Variants in TUT4 observed in about 807,000 individuals in gnomAD.
The protein encoded by TUT4 is terminal uridylyltransferase 4.
A neutral mutation model predicts 192.2 loss-of-function variants in TUT4; 36 were observed. The observed-to-expected ratio is 0.19, with a 90% CI of 0.14 to 0.25. TUT4 has a LOEUF of 0.25. TUT4 is among the 10% of genes least tolerant of loss of function. The pLI, the probability that TUT4 is intolerant of heterozygous loss-of-function variation, is 1.00. For synonymous variants in TUT4, 618 were observed against 666.0 expected, an observed-to-expected ratio of 0.93 and a Z score of 1.11; for missense variants, 1,493 against 1,957.2, an observed-to-expected ratio of 0.76 and a Z score of 4.47.
chr1:52,505,838 T>C (rs553770687), intron 4 of TUT4, among the ~76,000 whole-genome samples: 1 of 152,064 alleles, frequency 6.6e-6, no homozygotes, highest in East Asian at 1.9e-4. Context: ...GGGTTTTTTT[T>C]GTTTTTGTTG....
intron 1 of TUT4, among the ~76,000 whole-genome samples, chr1:52,536,469 AC>A (rs1684924985): frequency 1.3e-5 from 2 of 152,258 alleles, no homozygotes; most frequent in African/African-American, 2.4e-5. Flanking sequence ...GGCATAAAAA[AC>A]ATATGGAAAA....
At position 52,424,122 on chromosome 1, in the gene TUT4, G is replaced by C. The variant is rs533144471; in HGVS notation, c.4871-120C>G. 1.7e-5 allele frequency: 17 copies of C among 986,392 alleles called. No individual in the cohort carries two copies. In the African/African-American group the frequency reaches 2.6e-4, roughly 15 times the overall value. The allele number at this position is 986,392 out of a possible 1,614,324, so 61.1% of individuals were successfully genotyped here. A position where few individuals can be genotyped will look rare whatever the true frequency, so the allele number is the denominator to read the frequency against. On this transcript the variant is annotated intron_variant, in intron 29 of 29. Transcript: ENST00000257177. ...TATTTATATAATAGGAGGTGATAAAGCATGCTGCAAAACATTTGAGAGGGT... is the reference window on the plus strand; with the variant it reads ...TATTTATATAATAGGAGGTGATAAACCATGCTGCAAAACATTTGAGAGGGT...
At chr1:52,486,511 C>T (rs1394840153) in intron 9 of TUT4, among the ~76,000 whole-genome samples, 1 of 151,794 alleles carries the variant, frequency 6.6e-6, no homozygotes, top group Non-Finnish European at 1.5e-5. Context: ...TGGAAAAATG[C>T]GTGCTTAACT....
At chr1:52,505,951 T>C (rs1277921907) in intron 4 of TUT4, among the ~76,000 whole-genome samples, 5 of 151,962 alleles carry the variant, frequency 3.3e-5, no homozygotes, top group Non-Finnish European at 7.4e-5. Flanking sequence ...CCCAAGTAGC[T>C]GGGATTTCAG....
At chr1:52,481,327 C>T in intron 11 of TUT4, 96 bp downstream of exon 11, 2 of 1,331,792 alleles carry the variant, frequency 1.5e-6, no homozygotes, top group Non-Finnish European at 2.1e-6. Context: ...GAGGCTTGCT[C>T]AAGGTCAGTC....
chr1:52,426,006 G>A (rs1309494999), intron 28 of TUT4, among the ~76,000 whole-genome samples: 6 of 152,120 alleles, frequency 3.9e-5, no homozygotes, highest in South Asian at 4.1e-4. Context: ...GAGAAAAGGC[G>A]GGACAGGTAG....
At chr1:52,531,396 C>G (rs1683374100) in intron 1 of TUT4, among the ~76,000 whole-genome samples, 1 of 151,824 alleles carries the variant, frequency 6.6e-6, no homozygotes, top group South Asian at 2.1e-4. Flanking sequence ...AAGAAGTGAT[C>G]CTGAAAGTGA....
At chr1:52,513,268 G>A (rs1185438280) in intron 3 of TUT4, among the ~76,000 whole-genome samples, 1 of 151,484 alleles carries the variant, frequency 6.6e-6, no homozygotes, top group Non-Finnish European at 1.5e-5. Context: ...AGGCTTGGTG[G>A]CACATGCCTG....
intron 20 of TUT4, among the ~76,000 whole-genome samples, chr1:52,455,630 A>AAAAAGG (rs1557703413): frequency 1.0e-5 from 1 of 96,662 alleles, no homozygotes; most frequent in Admixed American, 1.1e-4. Flanking sequence ...AAAAAAAAAA[A>AAAAAGG]GACGGGGGAG....
In TUT4 at chr1:52,470,357, A is replaced by G. The variant is rs1298211908; in HGVS notation, c.2878+1595T>C. ...CCACATTGAGGTAAATAAATTACTA[A>G]GTAAAAATAAATGTAAATTGTATCT... On this transcript the variant is annotated intron_variant, in intron 14 of 29. Transcript: ENST00000257177. 7.2e-5 allele frequency among the ~76,000 whole-genome samples: 11 copies of G among 152,204 alleles called. No individual in the cohort carries two copies. In the South Asian group the frequency reaches 2.3e-3, roughly 31 times the overall value.
At chr1:52,540,963 T>A (rs992881490) in intron 1 of TUT4, among the ~76,000 whole-genome samples, 1 of 152,158 alleles carries the variant, frequency 6.6e-6, no homozygotes, top group African/African-American at 2.4e-5. Flanking sequence ...CTCAGCACTT[T>A]AGTAGGCCGA....
chr1:52,459,150 G>C (rs1355813820), intron 19 of TUT4, among the ~76,000 whole-genome samples: 2 of 152,108 alleles, frequency 1.3e-5, no homozygotes, highest in Non-Finnish European at 2.9e-5. Flanking sequence ...GCCGGGTGTG[G>C]TGGCGGGCGC....
intron 3 of TUT4, among the ~76,000 whole-genome samples, chr1:52,510,092 A>G (rs1676699389): frequency 6.6e-6 from 1 of 152,096 alleles, no homozygotes; most frequent in South Asian, 2.1e-4. Flanking sequence ...CTGGCAGATC[A>G]CTTGAGCTCA....
intron 1 of TUT4, among the ~76,000 whole-genome samples, chr1:52,530,062 C>A (rs925149866): frequency 6.6e-6 from 1 of 152,046 alleles, no homozygotes; most frequent in African/African-American, 2.4e-5. Context: ...AGGCTGGTTT[C>A]GAAGCCCTGA....
intron 4 of TUT4, 115 bp from the exon 5 acceptor site, chr1:52,497,298 C>T: frequency 9.5e-7 from 1 of 1,056,418 alleles, no homozygotes; most frequent in Non-Finnish European, 1.3e-6. Flanking sequence ...ATTCACCTTC[C>T]ATCTACCAGA....
At chr1:52,514,243 C>T (rs1343384322) in intron 3 of TUT4, among the ~76,000 whole-genome samples, 2 of 152,144 alleles carry the variant, frequency 1.3e-5, no homozygotes, top group African/African-American at 4.8e-5. Context: ...GAGTTCGAGA[C>T]CAAACTGGCC....
chr1:52,456,496 AAAAAG>A (rs1450126509), intron 20 of TUT4, among the ~76,000 whole-genome samples: 4 of 150,776 alleles, frequency 2.7e-5, no homozygotes, highest in African/African-American at 4.9e-5. Context: ...ATTAAAAAAA[AAAAAG>A]AAAGAAAAAG....
intron 2 of TUT4, among the ~76,000 whole-genome samples, chr1:52,518,497 G>A (rs1306477888): frequency 1.3e-5 from 2 of 152,048 alleles, no homozygotes; most frequent in Non-Finnish European, 2.9e-5. Flanking sequence ...GCCAGATTAG[G>A]ACCTCACCAT....
chr1:52,461,382 G>T lies in TUT4; in HGVS notation c.3231+131C>A, dbSNP rs557636723. ...ACAAAAACTGACCTTCAATCTGAAG[G>T]AACTATCAAGATAACTAGTAAAATA... On this transcript the variant is annotated intron_variant, in intron 18 of 29. Coordinates refer to ENST00000257177, the MANE Select transcript of TUT4 (RefSeq NM_001009881.3). The T allele has an allele frequency of 4.5e-6, 5 of 1,104,394 alleles. No individual in the cohort carries two copies. In the South Asian group the frequency reaches 8.5e-5, roughly 19 times the overall value. 68.4% of individuals were successfully genotyped at this position (1,104,394 alleles called of 1,614,324 possible).
Sources: gnomAD v4.1 joint callset for allele counts (sites outside exome capture counted in the v4.1 genomes callset) on GRCh38, gnomAD v4.1.1 for gene constraint, MANE v1.5 for transcripts, NCBI Gene and HGNC (gene_info 2026-07-23, HGNC 2026-07-21) for gene names.